The following UHMK1 variants were observed in gnomAD, a reference collection of about 807,000 sequenced individuals.
UHMK1 encodes the protein U2AF homology motif kinase 1, also known as serine/threonine-protein kinase Kist.
Under a neutral mutation model 44.0 loss-of-function variants are expected in UHMK1, and 18 were observed. That is an observed-to-expected ratio of 0.41 (90% CI 0.28 to 0.61). UHMK1 has a LOEUF of 0.61. Ranked by LOEUF, UHMK1 falls within the 20% of genes least tolerant of loss-of-function variation. The probability of loss-of-function intolerance (pLI) is 0.31; values close to 1 mark genes in which losing one functional copy is unlikely to be tolerated. For missense variants in UHMK1, 463 were observed against 522.5 expected (o/e 0.89, Z 1.11); for synonymous variants, 231 against 198.5 (o/e 1.16, Z -1.38).
chr1:162,522,553 A>G lies in UHMK1; in HGVS notation c.*3A>G. Reference sequence around the variant, plus strand: ...ATCTGTATCAAACCTTGCTTTAATCAGTAACCTAAGGACTGTTTCCTTTTT... The same window carrying G: ...ATCTGTATCAAACCTTGCTTTAATCGGTAACCTAAGGACTGTTTCCTTTTT... On this transcript the variant is annotated 3_prime_UTR_variant, in exon 8 of 8. Transcript: ENST00000489294. The G allele has an allele frequency of 6.2e-7, 1 of 1,613,626 alleles. No homozygotes were observed. Among genetic ancestry groups the G allele is most frequent in the Non-Finnish European group, 8.5e-7 (1 of 1,179,824 alleles).
intron 2 of UHMK1, 100 bp from the exon 3 acceptor site, chr1:162,500,813 A>G: frequency 8.5e-7 from 1 of 1,170,966 alleles, no homozygotes; most frequent in Admixed American, 2.7e-5. Context: ...TTAGCTTGGC[A>G]GTGGGTTTAC....
At chr1:162,507,044 T>C (rs991722575) in intron 4 of UHMK1, among the ~76,000 whole-genome samples, 3 of 152,214 alleles carry the variant, frequency 2.0e-5, no homozygotes, top group African/African-American at 4.8e-5. Context: ...CTGTTCTTTT[T>C]GGTTTTCACT....
At position 162,529,479 on chromosome 1, in the gene UHMK1, T is replaced by G. The variant is rs142596039; in HGVS notation, c.*6929T>G. On this transcript the variant is annotated 3_prime_UTR_variant, in exon 8 of 8. Transcript: ENST00000489294. ...TTGACTGTATTGCATACTTTTTTGC[T>G]GAAGACTTTTTCTGTAAACACAATT... is the stretch of plus-strand genomic sequence containing the variant. 1 of 152,316 alleles carries G rather than the reference T, an allele frequency of 6.6e-6. No homozygotes were observed. Among genetic ancestry groups the G allele is most frequent in the African/African-American group, 2.4e-5 (1 of 41,590 alleles). 9.4% of individuals were successfully genotyped at this position (152,316 alleles called of 1,614,324 possible).
At chr1:162,506,088 TATGAG>T (rs1651457435) in intron 4 of UHMK1, among the ~76,000 whole-genome samples, 1 of 152,202 alleles carries the variant, frequency 6.6e-6, no homozygotes, top group South Asian at 2.1e-4. Context: ...ATCTGATTGA[TATGAG>T]ATATTATAAA....
At position 162,499,956 on chromosome 1, in the gene UHMK1, G is replaced by T; in HGVS notation, c.270G>T (p.Val90=). The change falls in exon 2 of 8, where the codon GTG becomes GTT. Residue 90 remains valine, a splice_region_variant and synonymous_variant. Transcript: ENST00000489294. ...LEQLQGHRNI[V]TLYGVFTIHF... ...AAGTATTATAATTTCTTTTTCTAGT[G>T]ACTTTGTATGGAGTGTTTACAATCC... The T allele has an allele frequency of 1.2e-6, 2 of 1,613,016 alleles. No homozygotes were observed. The highest frequency in any genetic ancestry group is 2.2e-5 in the South Asian group (2 of 90,844).
rs118182036 is a variant in UHMK1, at chr1:162,514,219, G to T, written c.1024+1396G>T. 1.4e-3 allele frequency among the ~76,000 whole-genome samples: 208 copies of T among 151,842 alleles called. 5 individuals are homozygous for T. The East Asian group carries it at 0.034, about 25-fold the overall frequency. On this transcript the variant is annotated intron_variant, in intron 6 of 7. Coordinates refer to ENST00000489294, the MANE Select transcript of UHMK1 (RefSeq NM_175866.5). ...TGGGATAATCACTTGAACCCAGGAGGCAGAGGTTGCAGTGACCCGAGATTG... is the reference window on the plus strand; with the variant it reads ...TGGGATAATCACTTGAACCCAGGAGTCAGAGGTTGCAGTGACCCGAGATTG...
chr1:162,512,222 T>G lies in UHMK1; in HGVS notation c.849-278T>G, dbSNP rs115764234. 4.8e-3 allele frequency among the ~76,000 whole-genome samples: 724 copies of G among 152,014 alleles called. 5 individuals are homozygous for G. Among genetic ancestry groups the G allele is most frequent in the African/African-American group, 0.016 (682 of 41,436 alleles). ...TGTGTTACCCTAAATCTGTGTCTTT[T>G]TTGTCACTCACTGTTACAGAGTGTG... On this transcript the variant is annotated intron_variant, in intron 4 of 7. Coordinates refer to ENST00000489294, the MANE Select transcript of UHMK1 (RefSeq NM_175866.5).
At chr1:162,510,549 A>G (rs965273761) in intron 4 of UHMK1, among the ~76,000 whole-genome samples, 6 of 152,008 alleles carry the variant, frequency 3.9e-5, no homozygotes, top group Admixed American at 1.3e-4. Flanking sequence ...GTTGAAAATG[A>G]CAGGATTTGC....
rs1474442572 is a variant in UHMK1, at chr1:162,498,268, G to A, written c.268G>A (p.Val90Met). Residue 90 changes from valine (V) to methionine (M), a missense_variant and splice_region_variant, in exon 1 of 8, where the codon GTG becomes ATG. Around this residue, in one of 3 missense-constraint regions of UHMK1, gnomAD observed 191 missense variants for 176.0 expected, o/e 1.09. Coordinates refer to ENST00000489294, the MANE Select transcript of UHMK1 (RefSeq NM_175866.5). ...ACAGTTGCAGGGTCACAGAAACATCGGTAATTGCCGCTGTCTCCTTTCTCT... is the reference window on the plus strand; with the variant it reads ...ACAGTTGCAGGGTCACAGAAACATCAGTAATTGCCGCTGTCTCCTTTCTCT... ...LEQLQGHRNI[V>M]TLYGVFTIHF... 6 of 1,580,726 alleles carry A rather than the reference G, an allele frequency of 3.8e-6. No individual in the cohort carries two copies. Among genetic ancestry groups the A allele is most frequent in the South Asian group, 1.1e-5 (1 of 87,240 alleles).
chr1:162,503,833 G>A lies in UHMK1; in HGVS notation c.833G>A (p.Arg278Lys), dbSNP rs1048751026. ...VNAAIPAYHL[R>K]DLIKSMLHDD... Reference sequence around the variant, plus strand: ...GCCGCAATTCCAGCCTATCACCTAAGAGACCTTATCAAAAGGTATGTTACA... The same window carrying A: ...GCCGCAATTCCAGCCTATCACCTAAAAGACCTTATCAAAAGGTATGTTACA... The change falls in exon 4 of 8, where the codon AGA becomes AAA. Residue 278 changes from arginine to lysine, a missense_variant. Physicochemically the swap from Arg to Lys is conservative, Grantham distance 26 (BLOSUM62 2). Around this residue, in one of 3 missense-constraint regions of UHMK1, gnomAD observed 264 missense variants for 326.3 expected, o/e 0.81. Transcript: ENST00000489294. 1 of 1,613,982 alleles carries A rather than the reference G, an allele frequency of 6.2e-7. No homozygotes were observed. Among genetic ancestry groups the A allele is most frequent in the Non-Finnish European group, 8.5e-7 (1 of 1,179,934 alleles).
upstream of UHMK1, chr1:162,497,174 A>C: frequency 1.6e-6 from 1 of 637,752 alleles, no homozygotes. Flanking sequence ...GGGTTGTCAT[A>C]AGAACTTGTG....
intron 3 of UHMK1, among the ~76,000 whole-genome samples, chr1:162,501,359 G>A (rs932267434): frequency 2.6e-5 from 4 of 152,032 alleles, no homozygotes; most frequent in East Asian, 1.9e-4. Context: ...TAGTAGACAC[G>A]GAGTTTCACC....
chr1:162,497,766 G>GCC (rs60701613), upstream of UHMK1: 66 of 1,252,798 alleles, frequency 5.3e-5, no homozygotes, highest in East Asian at 2.0e-4. Flanking sequence ...CCCCTTCTGA[G>GCC]CCCCCCCTCC....
At chr1:162,516,564 T>C (rs1360148105) in intron 6 of UHMK1, among the ~76,000 whole-genome samples, 4 of 152,126 alleles carry the variant, frequency 2.6e-5, no homozygotes, top group Admixed American at 1.3e-4. Context: ...AAGGCCTTTT[T>C]TGAATATGGC....
intron 2 of UHMK1, 128 bp from the exon 3 acceptor site, chr1:162,500,785 A>T: frequency 1.2e-6 from 1 of 836,872 alleles, no homozygotes. Context: ...GTAATCAAGG[A>T]CTAAAAATTT....
chr1:162,504,000 T>A, intron 4 of UHMK1, 152 bp downstream of exon 4: 2 of 631,532 alleles, frequency 3.2e-6, no homozygotes, highest in South Asian at 5.0e-5. Context: ...AAAGGAATGC[T>A]CTTTTGCTCA....
rs575466375 is a variant in UHMK1, at chr1:162,510,319, A to G, written c.849-2181A>G. Among the ~76,000 whole-genome samples, 27 of 152,294 alleles carry G rather than the reference A, an allele frequency of 1.8e-4. No homozygotes were observed. In the East Asian group the frequency reaches 3.3e-3, roughly 18 times the overall value. On this transcript the variant is annotated intron_variant, in intron 4 of 7. Coordinates refer to ENST00000489294, the MANE Select transcript of UHMK1 (RefSeq NM_175866.5). ...TAGATCTCTTGAACTTATTCTTTCT[A>G]TCTAACTGTAATTAGGCATCTTTTG...
At chr1:162,501,668 T>A (rs1349205674) in intron 3 of UHMK1, among the ~76,000 whole-genome samples, 1 of 152,244 alleles carries the variant, frequency 6.6e-6, no homozygotes, top group Admixed American at 6.5e-5. Context: ...TGCATTTTCC[T>A]GAAGAAACAA....
intron 4 of UHMK1, among the ~76,000 whole-genome samples, chr1:162,505,874 A>AGG: frequency 6.6e-6 from 1 of 152,330 alleles, no homozygotes; most frequent in African/African-American, 2.4e-5. Context: ...ACAGACTCAC[A>AGG]GGACTTTGCA....
Sources: allele counts gnomAD v4.1 joint callset (sites outside exome capture counted in the v4.1 genomes callset), GRCh38; gene constraint gnomAD v4.1.1; regional missense constraint gnomAD v4.1.1; transcripts MANE v1.5; gene names NCBI Gene and HGNC (gene_info 2026-07-23, HGNC 2026-07-21).